TENM4: variants seen among roughly 807,000 people sequenced by gnomAD.
TENM4 encodes the protein teneurin-4.
A neutral mutation model predicts 243.3 loss-of-function variants in TENM4; 82 were observed. That is an observed-to-expected ratio of 0.34 (90% CI 0.28 to 0.40). TENM4 has a LOEUF of 0.40. Ranked by LOEUF, TENM4 falls within the 10% of genes least tolerant of loss-of-function variation. TENM4 has a pLI of 1.00. For missense variants in TENM4, 3,138 were observed against 3,673.3 expected (o/e 0.85, Z 3.77); for synonymous variants, 1,412 against 1,456.3 (o/e 0.97, Z 0.69).
chr11:79,118,879 C>A (rs1440226321), intron 4 of TENM4, among the ~76,000 whole-genome samples: 1 of 152,136 alleles, frequency 6.6e-6, no homozygotes, highest in Admixed American at 6.6e-5. Context: ...GACATATAGA[C>A]CTCTCTTTGA....
intron 28 of TENM4, among the ~76,000 whole-genome samples, chr11:78,698,045 G>C (rs1859008709): frequency 6.6e-6 from 1 of 152,216 alleles, no homozygotes; most frequent in Non-Finnish European, 1.5e-5. Flanking sequence ...GTGCTCTGAA[G>C]TGTGTGATGT....
intron 6 of TENM4, among the ~76,000 whole-genome samples, chr11:78,927,464 GA>G (rs35758396): frequency 1.3e-5 from 2 of 152,190 alleles, no homozygotes; most frequent in Admixed American, 1.3e-4. Flanking sequence ...ATGTAAATGA[GA>G]AAAAGTTTAT....
intron 6 of TENM4, among the ~76,000 whole-genome samples, chr11:79,007,192 G>A (rs552027579): frequency 1.6e-4 from 24 of 152,084 alleles, no homozygotes; most frequent in Non-Finnish European, 1.9e-4. Flanking sequence ...GTATTTCTCC[G>A]GAGAACCCTA....
At chr11:78,926,564 G>C (rs561369684) in intron 6 of TENM4, among the ~76,000 whole-genome samples, 1 of 152,088 alleles carries the variant, frequency 6.6e-6, no homozygotes, top group East Asian at 1.9e-4. Flanking sequence ...GAACCACTAT[G>C]CCTGGCCAGA....
chr11:79,108,494 A>ACT (rs942669038), intron 4 of TENM4, among the ~76,000 whole-genome samples: 2 of 152,158 alleles, frequency 1.3e-5, no homozygotes, highest in Admixed American at 6.5e-5. Context: ...ACATATGTAT[A>ACT]CTGTGTGTGT....
At chr11:78,696,827 C>G (rs1418712463) in intron 28 of TENM4, among the ~76,000 whole-genome samples, 1 of 152,136 alleles carries the variant, frequency 6.6e-6, no homozygotes, top group Non-Finnish European at 1.5e-5. Flanking sequence ...GGTGGCAAAG[C>G]CTTTGCTAGG....
chr11:79,245,661 C>A (rs772180747), intron 2 of TENM4, among the ~76,000 whole-genome samples: 3 of 152,010 alleles, frequency 2.0e-5, no homozygotes, highest in Non-Finnish European at 4.4e-5. Context: ...AACAATTGGC[C>A]GGGTGCAGTG....
rs1052004851 is a variant in TENM4 at position 78,771,355 on chromosome 11, G to A, written c.2393-217C>T. On this transcript the variant is annotated intron_variant, in intron 17 of 33. Coordinates refer to ENST00000278550, the MANE Select transcript of TENM4 (RefSeq NM_001098816.3). Reference sequence around the variant, plus strand: ...TGAAAGGACTTGCCAGGGTCGCACAGTCAGAAGCGGCAGGGACAGGGCTGA... The same window carrying A: ...TGAAAGGACTTGCCAGGGTCGCACAATCAGAAGCGGCAGGGACAGGGCTGA... Among the ~76,000 whole-genome samples, 11 of 152,194 alleles carry A rather than the reference G, an allele frequency of 7.2e-5. No homozygotes were observed. The South Asian group carries it at 1.4e-3, about 20-fold the overall frequency.
chr11:78,865,329 T>G (rs1858942075), intron 9 of TENM4, among the ~76,000 whole-genome samples: 1 of 152,280 alleles, frequency 6.6e-6, no homozygotes, highest in South Asian at 2.1e-4. Flanking sequence ...GACGAGACTA[T>G]AATCCCAAAC....
At chr11:78,969,936 A>C (rs1049810964) in intron 6 of TENM4, among the ~76,000 whole-genome samples, 1 of 152,282 alleles carries the variant, frequency 6.6e-6, no homozygotes, top group African/African-American at 2.4e-5. Flanking sequence ...TCAGTGGCAC[A>C]CTGCCCTGAT....
At chr11:79,264,671 G>A (rs1855854126) in intron 2 of TENM4, among the ~76,000 whole-genome samples, 1 of 152,178 alleles carries the variant, frequency 6.6e-6, no homozygotes, top group Non-Finnish European at 1.5e-5. Flanking sequence ...TGGTTTCCCA[G>A]CAGTTACACG....
chr11:78,916,457 G>A (rs763187659), intron 6 of TENM4, among the ~76,000 whole-genome samples: 4 of 152,164 alleles, frequency 2.6e-5, no homozygotes, highest in Admixed American at 6.5e-5. Flanking sequence ...GCTATAAAAT[G>A]TTTGTTGAAT....
At chr11:79,164,923 C>T (rs1442283819) in intron 3 of TENM4, among the ~76,000 whole-genome samples, 1 of 150,462 alleles carries the variant, frequency 6.6e-6, no homozygotes, top group African/African-American at 2.5e-5. Context: ...ATGACTTTAT[C>T]AGCAACATGA....
chr11:79,019,109 TCTC>T (rs750282690), intron 6 of TENM4, among the ~76,000 whole-genome samples: 6 of 152,108 alleles, frequency 3.9e-5, no homozygotes, highest in Non-Finnish European at 8.8e-5. Flanking sequence ...ACAACTAACT[TCTC>T]CTCCACACTT....
At chr11:79,024,529 G>A (rs1859023629) in intron 6 of TENM4, among the ~76,000 whole-genome samples, 1 of 152,102 alleles carries the variant, frequency 6.6e-6, no homozygotes, top group Non-Finnish European at 1.5e-5. Context: ...TAGAAAATTG[G>A]TTTACACCAT....
intron 7 of TENM4, among the ~76,000 whole-genome samples, chr11:78,895,733 G>A (rs1855777904): frequency 6.6e-6 from 1 of 152,176 alleles, no homozygotes; most frequent in Non-Finnish European, 1.5e-5. Flanking sequence ...CCCTCACACT[G>A]GTGGGTGCTA....
chr11:78,889,917 G>C lies in TENM4; in HGVS notation c.952C>G (p.Leu318Val), dbSNP rs774561683. ...STVYSPPPRP[L>V]PRSTFARPAF... is the part of the protein sequence containing the mutation. ...GGCCGGGCGAAGGTGCTGCGGGGCAGGGGTCGGGGCGGAGGAGAGTACACT... is the reference window on the plus strand; with the variant it reads ...GGCCGGGCGAAGGTGCTGCGGGGCACGGGTCGGGGCGGAGGAGAGTACACT... The change falls in exon 9 of 34, where the codon CTG becomes GTG. Residue 318 changes from leucine (L) to valine (V), a missense_variant. Coordinates refer to ENST00000278550, the MANE Select transcript of TENM4 (RefSeq NM_001098816.3). 3.4e-5 allele frequency: 53 copies of C among 1,551,778 alleles called. No individual in the cohort carries two copies. The highest frequency in any genetic ancestry group is 4.6e-5 in the Non-Finnish European group (53 of 1,147,022).
intron 9 of TENM4, among the ~76,000 whole-genome samples, chr11:78,888,436 T>C (rs1483848055): frequency 6.6e-6 from 1 of 152,220 alleles, no homozygotes; most frequent in East Asian, 1.9e-4. Context: ...AGGAGGCTTA[T>C]TACAGCTTGA....
At chr11:79,061,075 G>A (rs779237213) in intron 6 of TENM4, among the ~76,000 whole-genome samples, 6 of 152,170 alleles carry the variant, frequency 3.9e-5, no homozygotes, top group Admixed American at 6.5e-5. Context: ...CATAGAGCCT[G>A]GCTCCAGCTC....
Sources: allele counts gnomAD v4.1 joint callset (sites outside exome capture counted in the v4.1 genomes callset), GRCh38; gene constraint gnomAD v4.1.1; transcripts MANE v1.5; gene names NCBI Gene and HGNC (gene_info 2026-07-23, HGNC 2026-07-21).